The following CALD1 variants were observed in gnomAD, a reference collection of about 807,000 sequenced individuals.
CALD1 encodes the protein caldesmon 1, also known as caldesmon.
In CALD1, 33 loss-of-function variants were observed where a neutral mutation model predicts 99.9. The ratio of observed to expected loss-of-function variants is 0.33; its 90% CI spans 0.25 to 0.44. The LOEUF is 0.44. Ranked by LOEUF, CALD1 falls within the 20% of genes least tolerant of loss-of-function variation. The pLI, the probability that CALD1 is intolerant of heterozygous loss-of-function variation, is 1.00. For synonymous variants in CALD1, 310 were observed against 325.0 expected (o/e 0.95, Z 0.50); for missense variants, 861 against 962.1 (o/e 0.89, Z 1.39).
intron 2 of CALD1, among the ~76,000 whole-genome samples, chr7:134,854,936 G>A (rs1800234348): frequency 6.6e-6 from 1 of 152,184 alleles, no homozygotes; most frequent in Non-Finnish European, 1.5e-5. Flanking sequence ...GTGATACTGA[G>A]TGAGTTCTCA....
At chr7:134,817,804 C>T (rs1452336187) in intron 1 of CALD1, among the ~76,000 whole-genome samples, 1 of 152,074 alleles carries the variant, frequency 6.6e-6, no homozygotes, top group Non-Finnish European at 1.5e-5. Flanking sequence ...TTATTGAAGA[C>T]CTCTTCAAAA....
At chr7:134,844,055 T>TA (rs552416684) in intron 2 of CALD1, 84 bp downstream of exon 2, 5 of 152,334 alleles carry the variant, frequency 3.3e-5, no homozygotes, top group Admixed American at 3.3e-4. Flanking sequence ...TCTAAATTCT[T>TA]ACATCTGAAG....
At chr7:134,726,444 T>TATATATAATATATATTATATAGCTTTAG in the CALD1 span, among the ~76,000 whole-genome samples, 28 of 35,158 alleles carry the variant, frequency 8.0e-4, no homozygotes, top group Admixed American at 2.7e-3. Flanking sequence ...TATAGCTTTA[T>TATATATAATATATATTATATAGCTTTAG]ATATATAATA....
intron 1 of CALD1, among the ~76,000 whole-genome samples, chr7:134,747,784 A>G (rs1796648771): frequency 6.6e-6 from 1 of 152,240 alleles, no homozygotes; most frequent in African/African-American, 2.4e-5. Flanking sequence ...CTGGAAAGCC[A>G]TAGGCCCAGG....
rs148207484 is a variant in CALD1 at position 134,856,494 on chromosome 7, T to C, written c.-41-11199T>C. ...TCAGGCAACAGTTTTTTTAGACTGA[T>C]GGAAACATTTAATTGGCTCTGAATG... On this transcript the variant is annotated intron_variant, in intron 2 of 14. Transcript: ENST00000361675. Among the ~76,000 whole-genome samples the C allele has an allele frequency of 2.4e-3, 358 of 152,334 alleles. 2 individuals carry two copies. The highest frequency in any genetic ancestry group is 8.1e-3 in the African/African-American group (336 of 41,580).
chr7:134,716,635 G>A, the CALD1 span, among the ~76,000 whole-genome samples: 1 of 152,210 alleles, frequency 6.6e-6, no homozygotes, highest in Non-Finnish European at 1.5e-5. Context: ...TCAGCCAGAA[G>A]GGTTCATGTC....
At chr7:134,944,925 G>A (rs990131752) in intron 7 of CALD1, among the ~76,000 whole-genome samples, 2 of 152,196 alleles carry the variant, frequency 1.3e-5, no homozygotes, top group African/African-American at 4.8e-5. Flanking sequence ...TTTGAGTATC[G>A]ACATGTTTTA....
At chr7:134,774,595 C>G (rs1167640970) in intron 1 of CALD1, among the ~76,000 whole-genome samples, 3 of 152,166 alleles carry the variant, frequency 2.0e-5, no homozygotes, top group Admixed American at 6.5e-5. Flanking sequence ...TCTAACTATT[C>G]CTTACCCAGA....
intron 2 of CALD1, among the ~76,000 whole-genome samples, chr7:134,861,549 G>A (rs1800564712): frequency 6.6e-6 from 1 of 152,224 alleles, no homozygotes; most frequent in African/African-American, 2.4e-5. Flanking sequence ...TTGAAGATGG[G>A]TGTGACAAGC....
At chr7:134,743,564 A>T (rs1796608634), upstream of CALD1, among the ~76,000 whole-genome samples, 1 of 152,172 alleles carries the variant, frequency 6.6e-6, no homozygotes, top group Admixed American at 6.5e-5. Context: ...TTTGTCGAAC[A>T]TCTCTTTCAA....
the CALD1 span, among the ~76,000 whole-genome samples, chr7:134,733,129 C>T: frequency 2.2e-4 from 34 of 152,216 alleles, no homozygotes; most frequent in Non-Finnish European, 4.1e-4. Flanking sequence ...GGGGAAGGAG[C>T]GGCAGATAGG....
chr7:134,747,562 C>T (rs531325645), intron 1 of CALD1, among the ~76,000 whole-genome samples: 31 of 152,176 alleles, frequency 2.0e-4, no homozygotes, highest in Non-Finnish European at 3.4e-4. Flanking sequence ...TGGGGCTGCC[C>T]TTCCCATCAT....
chr7:134,754,191 G>A (rs994236628), intron 1 of CALD1, among the ~76,000 whole-genome samples: 1 of 152,186 alleles, frequency 6.6e-6, no homozygotes, highest in Non-Finnish European at 1.5e-5. Context: ...AGGTGACTAG[G>A]GGGTAGGTTC....
At chr7:134,948,753 G>T (rs1441117123) in intron 8 of CALD1, among the ~76,000 whole-genome samples, 1 of 152,134 alleles carries the variant, frequency 6.6e-6, no homozygotes, top group Non-Finnish European at 1.5e-5. Flanking sequence ...GGAAAATTTG[G>T]ATACATTATT....
At chr7:134,761,505 G>C (rs1224067975) in intron 1 of CALD1, among the ~76,000 whole-genome samples, 2 of 152,114 alleles carry the variant, frequency 1.3e-5, no homozygotes, top group African/African-American at 4.8e-5. Context: ...TCAGTTTTGT[G>C]CTGATAACAT....
chr7:134,838,711 C>A (rs888206477), intron 1 of CALD1, among the ~76,000 whole-genome samples: 2 of 152,198 alleles, frequency 1.3e-5, no homozygotes, highest in African/African-American at 4.8e-5. Context: ...CTACAATTCT[C>A]CCCCTGCAGA....
chr7:134,754,585 G>A (rs1034934619), intron 1 of CALD1, among the ~76,000 whole-genome samples: 2 of 152,150 alleles, frequency 1.3e-5, no homozygotes, highest in African/African-American at 4.8e-5. Context: ...CGGAAGGACT[G>A]CTTGACATAC....
At chr7:134,733,585 G>C in the CALD1 span, among the ~76,000 whole-genome samples, 1 of 151,968 alleles carries the variant, frequency 6.6e-6, no homozygotes, top group Admixed American at 6.6e-5. Flanking sequence ...GAGGCGGGCG[G>C]ATCATGAGGT....
the CALD1 span, among the ~76,000 whole-genome samples, chr7:134,713,054 C>A: frequency 3.3e-5 from 5 of 152,162 alleles, no homozygotes; most frequent in Non-Finnish European, 5.9e-5. Context: ...AGAAAAGGAA[C>A]TTTAAATCCA....
Sources: gnomAD v4.1 joint callset for allele counts (sites outside exome capture counted in the v4.1 genomes callset) on GRCh38, gnomAD v4.1.1 for gene constraint, MANE v1.5 for transcripts, NCBI Gene and HGNC (gene_info 2026-07-23, HGNC 2026-07-21) for gene names.